Variants in VIPR2 observed in about 807,000 individuals in gnomAD.
The protein encoded by VIPR2 is vasoactive intestinal peptide receptor 2.
A neutral mutation model predicts 58.0 loss-of-function variants in VIPR2; 48 were observed. That is an observed-to-expected ratio of 0.83 (90% CI 0.66 to 1.05). The LOEUF (loss-of-function observed/expected upper bound fraction) is 1.05. VIPR2 is among the 50% of genes least tolerant of loss of function. The probability of loss-of-function intolerance (pLI) is 0.00; values close to 1 mark genes in which losing one functional copy is unlikely to be tolerated. For synonymous variants in VIPR2, 243 were observed against 235.2 expected (o/e 1.03, Z -0.30); for missense variants, 534 against 558.0 (o/e 0.96, Z 0.43).
intron 8 of VIPR2, chr7:159,035,707 A>G: frequency 1.0e-6 from 1 of 985,380 alleles, no homozygotes; most frequent in Non-Finnish European, 1.2e-6. Flanking sequence ...TGCCTGGCTT[A>G]TCCCAATCTC....
intron 2 of VIPR2, among the ~76,000 whole-genome samples, chr7:159,131,751 G>T (rs1036067716): frequency 6.6e-6 from 1 of 152,178 alleles, no homozygotes; most frequent in African/African-American, 2.4e-5. Context: ...ATCACCAGAG[G>T]TGGCTTAAGC....
intron 2 of VIPR2, among the ~76,000 whole-genome samples, chr7:159,118,128 G>A (rs1301761345): frequency 6.6e-6 from 1 of 152,196 alleles, no homozygotes; most frequent in Non-Finnish European, 1.5e-5. Context: ...GCTGAAGGAT[G>A]AGCCACTCTC....
intron 2 of VIPR2, among the ~76,000 whole-genome samples, chr7:159,136,986 G>A (rs369655381): frequency 1.3e-5 from 2 of 152,188 alleles, no homozygotes; most frequent in East Asian, 3.9e-4. Flanking sequence ...GGAGGGGAGT[G>A]GAGAAGGCAG....
At position 159,090,079 on chromosome 7, in the gene VIPR2, C is replaced by T. The variant is rs1417165896; in HGVS notation, c.357+13678G>A. ...TGACCTCAGCACAGACACGCTGGGA[C>T]CACACACAGGGGCCACCTCTTGTGA... On this transcript the variant is annotated intron_variant, in intron 4 of 12. Transcript: ENST00000262178. 7.9e-3 allele frequency among the ~76,000 whole-genome samples: 1,032 copies of T among 130,516 alleles called. 49 individuals carry two copies. The highest frequency in any genetic ancestry group is 0.029 in the African/African-American group (944 of 32,164). 85.6% of individuals were successfully genotyped at this position (130,516 alleles called of 152,430 possible).
Position 159,126,001 on chromosome 7 carries a change from T to C in VIPR2, c.152-16082A>G, listed in dbSNP as rs17837882. On this transcript the variant is annotated intron_variant, in intron 2 of 12. Transcript: ENST00000262178. The stretch of plus-strand genomic sequence containing the variant: ...CTTAGTGTTTATGGTTAAACAAAGC[T>C]CCAGAATGAAGCTGATGAAACAATG... Among the ~76,000 whole-genome samples, 1,147 of 152,226 alleles carry C rather than the reference T, an allele frequency of 7.5e-3. 16 individuals carry two copies. The highest frequency in any genetic ancestry group is 0.026 in the African/African-American group (1,093 of 41,534).
Position 159,144,789 on chromosome 7 carries a change from G to C in VIPR2, c.-18C>G. ...GTCCGCATCCCGAGCTCAGCGTGCC[G>C]GGGGCCGCCCAGCGCCCGCCGCCTC... On this transcript the variant is annotated 5_prime_UTR_variant, in exon 1 of 13. Transcript: ENST00000262178. 1 of 1,244,686 alleles carries C rather than the reference G, an allele frequency of 8.0e-7. No individual in the cohort carries two copies. Among genetic ancestry groups the C allele is most frequent in the Non-Finnish European group, 1.0e-6 (1 of 995,838 alleles). 77.1% of individuals were successfully genotyped at this position (1,244,686 alleles called of 1,614,324 possible).
intron 2 of VIPR2, among the ~76,000 whole-genome samples, chr7:159,138,769 G>C (rs1228734860): frequency 6.6e-6 from 1 of 152,212 alleles, no homozygotes; most frequent in Non-Finnish European, 1.5e-5. Context: ...ACTTGGGGCT[G>C]GCAGCAGTGA....
intron 2 of VIPR2, among the ~76,000 whole-genome samples, chr7:159,134,759 GC>G (rs1368474600): frequency 6.6e-6 from 1 of 151,650 alleles, no homozygotes; most frequent in Non-Finnish European, 1.5e-5. Context: ...CTGGGTTCAC[GC>G]CATTCTCCCG....
In VIPR2 at chr7:159,043,107, T is replaced by G. The variant is rs766410965; in HGVS notation, c.525A>C (p.Ser175=). Residue 175 remains serine (S), a synonymous_variant, in exon 6 of 13, where the codon TCA becomes TCC. Coordinates refer to ENST00000262178, the MANE Select transcript of VIPR2 (RefSeq NM_003382.5). ...LFLSFILRAI[S]VLVKDDVLYS... ...AGAGAACGTCGTCCTTGACCAGCAC[T>G]GAGATGGCTCTCAGGATGAAGGACA... The G allele has an allele frequency of 6.2e-7, 1 of 1,613,822 alleles. No homozygotes were observed. Among genetic ancestry groups the G allele is most frequent in the South Asian group, 1.1e-5 (1 of 91,062 alleles).
At chr7:159,056,467 C>T (rs578126308) in intron 5 of VIPR2, among the ~76,000 whole-genome samples, 10 of 152,080 alleles carry the variant, frequency 6.6e-5, no homozygotes, top group South Asian at 2.1e-4. Flanking sequence ...GAGGAGCAAC[C>T]GTGCTGTGGA....
chr7:159,030,598 C>G lies in VIPR2; in HGVS notation c.*18G>C. On this transcript the variant is annotated 3_prime_UTR_variant, in exon 13 of 13. Transcript: ENST00000262178. Reference sequence around the variant, plus strand: ...CGAACCGTGGGCCTCCCGCCGCGTCCGACAGGCAGGGGTGGGGCTAGATGA... The same window carrying G: ...CGAACCGTGGGCCTCCCGCCGCGTCGGACAGGCAGGGGTGGGGCTAGATGA... 1 of 1,514,540 alleles carries G rather than the reference C, an allele frequency of 6.6e-7. No homozygotes were observed. Among genetic ancestry groups the G allele is most frequent in the Non-Finnish European group, 8.9e-7 (1 of 1,128,126 alleles). 93.8% of individuals were successfully genotyped at this position (1,514,540 alleles called of 1,614,324 possible). A position where few individuals can be genotyped will look rare whatever the true frequency, so the allele number is the denominator to read the frequency against.
chr7:159,035,952 C>T lies in VIPR2; in HGVS notation c.809G>A (p.Gly270Asp). 6.2e-7 allele frequency: 1 copy of T among 1,613,650 alleles called. No individual in the cohort carries two copies. The highest frequency in any genetic ancestry group is 8.5e-7 in the Non-Finnish European group (1 of 1,179,780). ...TAARLYLEDTGCWDTNDHSVP... is the reference protein window; with the variant it reads ...TAARLYLEDTDCWDTNDHSVP... ...GGTTGCAGTCTGGTCATGGACTCAC[C>T]CGGTGTCTTCTAAGTAGAGCCTGGC... The change falls in exon 8 of 13, where the codon GGT becomes GAT. Residue 270 changes from glycine (G) to aspartate (D), a missense_variant and splice_region_variant. Gly to Asp is a moderately conservative substitution (Grantham distance 94). Transcript: ENST00000262178.
chr7:159,140,528 C>T (rs1490741133), intron 2 of VIPR2, among the ~76,000 whole-genome samples: 2 of 152,192 alleles, frequency 1.3e-5, no homozygotes, highest in African/African-American at 2.4e-5. Flanking sequence ...CCAAGTACTT[C>T]GTGCAAGTCA....
Position 159,093,727 on chromosome 7 carries a change from A to G in VIPR2, c.357+10030T>C, listed in dbSNP as rs1857639102. Among the ~76,000 whole-genome samples, 1 of 151,152 alleles carries G rather than the reference A, an allele frequency of 6.6e-6. No individual in the cohort carries two copies. Among genetic ancestry groups the G allele is most frequent in the African/African-American group, 2.4e-5 (1 of 41,246 alleles). On this transcript the variant is annotated intron_variant, in intron 4 of 12. Transcript: ENST00000262178. This position sits in a 1 kb window ranked among gnomAD's most constrained non-coding sequence, Gnocchi z 6.7. ...CCCCGCAGCGTCCCTGGGTCCGGAC[A>G]TGGGAGACCCCGCAGCGTCCCTGGG... is the stretch of plus-strand genomic sequence containing the variant.
intron 4 of VIPR2, among the ~76,000 whole-genome samples, chr7:159,065,712 A>G (rs888740682): frequency 6.6e-5 from 10 of 152,200 alleles, no homozygotes; most frequent in Non-Finnish European, 1.3e-4. Flanking sequence ...AAACGAGAAG[A>G]CATCAGGGAC....
intron 6 of VIPR2, among the ~76,000 whole-genome samples, chr7:159,039,043 C>T (rs917942115): frequency 7.9e-5 from 12 of 152,232 alleles, no homozygotes; most frequent in Non-Finnish European, 1.8e-4. Flanking sequence ...CCAACGCCCA[C>T]CAGACAGGCA....
intron 4 of VIPR2, among the ~76,000 whole-genome samples, chr7:159,066,032 T>C (rs1293082722): frequency 2.0e-5 from 3 of 151,846 alleles, no homozygotes; most frequent in African/African-American, 7.2e-5. Flanking sequence ...GCTCCCGCAC[T>C]GTCCATGGGA....
intron 2 of VIPR2, among the ~76,000 whole-genome samples, chr7:159,141,769 C>CT (rs762787892): frequency 6.6e-6 from 1 of 152,220 alleles, no homozygotes; most frequent in Non-Finnish European, 1.5e-5. Context: ...GGACAACAGA[C>CT]TGTTTTAACA....
intron 4 of VIPR2, chr7:159,059,147 T>G: frequency 2.3e-6 from 1 of 436,354 alleles, no homozygotes; most frequent in Non-Finnish European, 4.8e-6. Context: ...CACGAAATCA[T>G]CAGGTACAGG....
Sources: allele counts gnomAD v4.1 joint callset (sites outside exome capture counted in the v4.1 genomes callset), GRCh38; gene constraint gnomAD v4.1.1; non-coding constraint Gnocchi (gnomAD v3.1); transcripts MANE v1.5; gene names NCBI Gene and HGNC (gene_info 2026-07-23, HGNC 2026-07-21).